SMKR1: variants seen among roughly 807,000 people sequenced by gnomAD.
SMKR1 encodes small lysine-rich protein 1.
SMKR1 carries 4 observed loss-of-function variants against 4.0 expected under a neutral mutation model. The ratio of observed to expected loss-of-function variants is 1.00; its 90% confidence interval spans 0.49 to 2.30. SMKR1 has a LOEUF of 2.30. SMKR1 is among the 30% of genes most tolerant of loss of function. SMKR1 has a pLI of 0.02. For synonymous variants in SMKR1, 38 were observed against 32.5 expected, an observed-to-expected ratio of 1.17 and a Z score of -0.58; for missense variants, 56 against 81.8, an observed-to-expected ratio of 0.68 and a Z score of 1.22.
chr7:129,505,514 T>C (rs1268576984), intron 1 of SMKR1, among the ~76,000 whole-genome samples: 1 of 151,986 alleles, frequency 6.6e-6, no homozygotes, highest in Non-Finnish European at 1.5e-5. Flanking sequence ...GTTTCACTCT[T>C]GTCGCCCAGG....
In SMKR1 at chr7:129,509,363, T is replaced by G. The variant is rs148529235; in HGVS notation, c.4-2884T>G. Among the ~76,000 whole-genome samples, 6 of 152,256 alleles carry G rather than the reference T, an allele frequency of 3.9e-5. 1 individual carries two copies. The highest frequency in any genetic ancestry group is 1.4e-4 in the African/African-American group (6 of 41,552). Reference sequence around the variant, plus strand: ...AAGACCCAAAGTCTTTAAGAGCTTCTGGTAAAATGTACATCCCGTACCTCA... The same window carrying G: ...AAGACCCAAAGTCTTTAAGAGCTTCGGGTAAAATGTACATCCCGTACCTCA... On this transcript the variant is annotated intron_variant, in intron 1 of 1. Transcript: ENST00000462322.
chr7:129,507,708 T>C (rs1799484231), intron 1 of SMKR1, among the ~76,000 whole-genome samples: 1 of 152,228 alleles, frequency 6.6e-6, no homozygotes, highest in African/African-American at 2.4e-5. Flanking sequence ...CTTTTTGACT[T>C]GAGCCATTCC....
chr7:129,508,975 T>C (rs192489682), intron 1 of SMKR1, among the ~76,000 whole-genome samples: 2 of 152,182 alleles, frequency 1.3e-5, no homozygotes, highest in Admixed American at 1.3e-4. Flanking sequence ...ACACATACAT[T>C]AAGTCAAGTG....
intron 1 of SMKR1, among the ~76,000 whole-genome samples, chr7:129,509,966 G>T (rs190219704): frequency 6.6e-6 from 1 of 152,120 alleles, no homozygotes; most frequent in Non-Finnish European, 1.5e-5. Context: ...GTCCTTGAAC[G>T]TTTATACCTT....
chr7:129,507,346 C>A (rs1472990752), intron 1 of SMKR1, among the ~76,000 whole-genome samples: 1 of 151,854 alleles, frequency 6.6e-6, no homozygotes, highest in Non-Finnish European at 1.5e-5. Flanking sequence ...TATGGGGTCC[C>A]ATTTTGTTGC....
intron 1 of SMKR1, among the ~76,000 whole-genome samples, chr7:129,503,230 A>C (rs1799429313): frequency 1.3e-5 from 2 of 151,582 alleles, no homozygotes; most frequent in African/African-American, 4.9e-5. Context: ...CTCAGGAAGC[A>C]GAGAGTGAGC....
chr7:129,507,155 A>T (rs1799475769), intron 1 of SMKR1, among the ~76,000 whole-genome samples: 1 of 151,894 alleles, frequency 6.6e-6, no homozygotes, highest in Non-Finnish European at 1.5e-5. Flanking sequence ...AGCTGGGACT[A>T]CAGGCGCCCA....
intron 1 of SMKR1, among the ~76,000 whole-genome samples, chr7:129,508,835 TC>T (rs1302077787): frequency 6.6e-6 from 1 of 152,216 alleles, no homozygotes; most frequent in African/African-American, 2.4e-5. Context: ...AACCTTTATC[TC>T]CCATCCTTTG....
intron 1 of SMKR1, among the ~76,000 whole-genome samples, chr7:129,510,997 CG>C (rs1356845465): frequency 1.3e-5 from 2 of 152,058 alleles, no homozygotes; most frequent in Non-Finnish European, 2.9e-5. Context: ...TTAGTAGAGA[CG>C]GGGTTTCACC....
At chr7:129,510,634 G>T (rs1209681250) in intron 1 of SMKR1, among the ~76,000 whole-genome samples, 1 of 152,132 alleles carries the variant, frequency 6.6e-6, no homozygotes, top group Non-Finnish European at 1.5e-5. Flanking sequence ...CGGCTGAGGT[G>T]AGAGGATCGC....
intron 1 of SMKR1, among the ~76,000 whole-genome samples, chr7:129,504,296 C>T (rs1799442431): frequency 6.6e-6 from 1 of 152,232 alleles, no homozygotes. Flanking sequence ...TAGCTGCTCT[C>T]ACTGGCCCCC....
At chr7:129,511,190 C>T (rs1194716651) in intron 1 of SMKR1, among the ~76,000 whole-genome samples, 1 of 152,152 alleles carries the variant, frequency 6.6e-6, no homozygotes. Flanking sequence ...AAAACAAGTG[C>T]CAACATACAT....
chr7:129,502,931 G>A (rs1282587977), intron 1 of SMKR1, 104 bp downstream of exon 1: 5 of 1,497,434 alleles, frequency 3.3e-6, no homozygotes, highest in Non-Finnish European at 3.6e-6. Context: ...TCTCCCTGGG[G>A]TCGACCTCAA....
At chr7:129,508,302 A>AATAC (rs113339934) in intron 1 of SMKR1, among the ~76,000 whole-genome samples, 8,838 of 152,246 alleles carry the variant, frequency 0.058, 576 homozygotes, top group East Asian at 0.18. Context: ...TAGCTGATCA[A>AATAC]ATGTGGATCT....
intron 1 of SMKR1, among the ~76,000 whole-genome samples, chr7:129,506,897 T>C (rs1291137586): frequency 6.7e-6 from 1 of 148,276 alleles, no homozygotes; most frequent in African/African-American, 2.5e-5. Flanking sequence ...TCTCATTTTC[T>C]CACCCAGGCT....
chr7:129,503,361 C>G (rs959667134), intron 1 of SMKR1, among the ~76,000 whole-genome samples: 3 of 148,410 alleles, frequency 2.0e-5, no homozygotes, highest in Non-Finnish European at 2.9e-5. Flanking sequence ...AGCCCCTGCC[C>G]CAAGTCCTCA....
chr7:129,507,637 A>G (rs1424102713), intron 1 of SMKR1, among the ~76,000 whole-genome samples: 2 of 152,200 alleles, frequency 1.3e-5, no homozygotes, highest in Non-Finnish European at 2.9e-5. Context: ...TTAGATTTCC[A>G]TCAGAGTTGT....
intron 1 of SMKR1, among the ~76,000 whole-genome samples, chr7:129,509,566 G>T (rs1356446986): frequency 1.3e-5 from 2 of 151,688 alleles, no homozygotes; most frequent in South Asian, 2.1e-4. Context: ...TTTTTAGACG[G>T]AGTCTCACTC....
intron 1 of SMKR1, among the ~76,000 whole-genome samples, chr7:129,503,738 T>C (rs1799436265): frequency 6.6e-6 from 1 of 152,178 alleles, no homozygotes; most frequent in South Asian, 2.1e-4. Flanking sequence ...GTTTCTGTGT[T>C]CTTTCCAGTT....
Sources: allele counts gnomAD v4.1 joint callset (sites outside exome capture counted in the v4.1 genomes callset), GRCh38; gene constraint gnomAD v4.1.1; transcripts MANE v1.5; gene names NCBI Gene and HGNC (gene_info 2026-07-23, HGNC 2026-07-21).